UNC13B: variants seen among roughly 807,000 people sequenced by gnomAD.
UNC13B encodes the protein protein unc-13 homolog B.
Under a neutral mutation model 211.0 loss-of-function variants are expected in UNC13B, and 144 were observed. The ratio of observed to expected loss-of-function variants is 0.68; its 90% confidence interval spans 0.60 to 0.78. The LOEUF is 0.78. Among genes scored for constraint, UNC13B ranks in the 30% least tolerant of loss-of-function variants. The pLI, the probability that UNC13B is intolerant of heterozygous loss-of-function variation, is 0.00. For synonymous variants in UNC13B, 709 were observed against 725.8 expected, an observed-to-expected ratio of 0.98 and a Z score of 0.37; for missense variants, 1,777 against 2,002.0, an observed-to-expected ratio of 0.89 and a Z score of 2.14.
intron 11 of UNC13B, chr9:35,352,807 A>T (rs1171979397): frequency 4.1e-6 from 5 of 1,232,072 alleles, no homozygotes; most frequent in Non-Finnish European, 5.1e-6. Context: ...AGTTTGAGGA[A>T]CCTGCCCTAG....
At chr9:35,208,573 G>A (rs373042778) in intron 1 of UNC13B, among the ~76,000 whole-genome samples, 14 of 152,228 alleles carry the variant, frequency 9.2e-5, no homozygotes, top group East Asian at 7.7e-4. Context: ...GGTGGAAGGC[G>A]AAAGGGAGGC....
At chr9:35,372,448 C>T (rs891634381) in intron 13 of UNC13B, among the ~76,000 whole-genome samples, 1 of 149,980 alleles carries the variant, frequency 6.7e-6, no homozygotes, top group Non-Finnish European at 1.5e-5. Flanking sequence ...GATACATGGG[C>T]CCTGTGCAAG....
Position 35,306,144 on chromosome 9 carries a change from A to C in UNC13B, c.6740A>C (p.Lys2247Thr), listed in dbSNP as rs984966905. 2 of 398,968 alleles carry C rather than the reference A, an allele frequency of 5.0e-6. No individual in the cohort carries two copies. Among genetic ancestry groups the C allele is most frequent in the African/African-American group, 4.1e-5 (2 of 48,650 alleles). The allele number at this position is 398,968 out of a possible 1,614,324, so 24.7% of individuals were successfully genotyped here. The change falls in exon 9 of 40, where the codon AAG (lysine) becomes ACG (threonine). Residue 2247 changes from lysine to threonine, a missense_variant. By Grantham distance (78) the Lys-to-Thr change is moderately conservative (BLOSUM62 -1). Transcript: ENST00000635942. ...TVVPVTSQPC[K>T]KTNVFVESGS... Reference sequence around the variant, plus strand: ...GTTCCAGTGACCTCCCAGCCCTGTAAGAAGACAAATGTTTTTGTAGAGAGT... The same window carrying C: ...GTTCCAGTGACCTCCCAGCCCTGTACGAAGACAAATGTTTTTGTAGAGAGT...
chr9:35,383,145 T>G (rs2132267631), intron 21 of UNC13B, among the ~76,000 whole-genome samples: 1 of 152,330 alleles, frequency 6.6e-6, no homozygotes, highest in East Asian at 1.9e-4. Context: ...AAAATCTTGT[T>G]CAGTCTGTCT....
intron 6 of UNC13B, among the ~76,000 whole-genome samples, chr9:35,254,995 A>G (rs1405770338): frequency 5.8e-5 from 7 of 121,052 alleles, no homozygotes; most frequent in African/African-American, 9.6e-5. Flanking sequence ...TGTATATATT[A>G]TATTATATTA....
intron 7 of UNC13B, among the ~76,000 whole-genome samples, chr9:35,295,021 C>G (rs1219660623): frequency 6.6e-6 from 1 of 152,188 alleles, no homozygotes; most frequent in Non-Finnish European, 1.5e-5. Flanking sequence ...AGCCCATCCT[C>G]TGGATGGGAA....
chr9:35,393,761 G>A (rs1303591260), intron 26 of UNC13B, among the ~76,000 whole-genome samples: 1 of 151,664 alleles, frequency 6.6e-6, no homozygotes, highest in African/African-American at 2.4e-5. Flanking sequence ...TAGTAGAGAC[G>A]GGGTTTCACC....
chr9:35,202,061 G>C (rs554180363), intron 1 of UNC13B, among the ~76,000 whole-genome samples: 80 of 152,290 alleles, frequency 5.3e-4, no homozygotes, highest in Non-Finnish European at 9.8e-4. Context: ...TGGTTTCAAA[G>C]AACATTTTTA....
intron 1 of UNC13B, among the ~76,000 whole-genome samples, chr9:35,220,637 T>C (rs1824518534): frequency 6.6e-6 from 1 of 152,222 alleles, no homozygotes; most frequent in Non-Finnish European, 1.5e-5. Context: ...GGCTGAATAG[T>C]ACTCCATTGT....
At chr9:35,222,198 T>A (rs1177179646) in intron 1 of UNC13B, among the ~76,000 whole-genome samples, 2 of 152,164 alleles carry the variant, frequency 1.3e-5, no homozygotes, top group Non-Finnish European at 2.9e-5. Flanking sequence ...AAAAAATGCC[T>A]GCTAGAATTT....
Position 35,307,610 on chromosome 9 carries a change from G to T in UNC13B, c.8206G>T (p.Ala2736Ser). The change falls in exon 9 of 40, where the codon GCC (alanine) becomes TCC (serine). Residue 2736 changes from alanine (A) to serine (S), a missense_variant. Transcript: ENST00000635942. Reference protein sequence around the residue: ...HPLLEDPVLAARESCEIIHAQ... With the variant: ...HPLLEDPVLASRESCEIIHAQ... The stretch of plus-strand genomic sequence containing the variant: ...TCTGCTGGAGGACCCTGTGCTTGCT[G>T]CCAGAGAAAGTTGTGAGATAATTCA... 2.5e-6 allele frequency: 1 copy of T among 399,172 alleles called. No individual in the cohort carries two copies. Among genetic ancestry groups the T allele is most frequent in the Non-Finnish European group, 4.4e-6 (1 of 226,170 alleles). The allele number at this position is 399,172 out of a possible 1,614,324, so 24.7% of individuals were successfully genotyped here.
intron 1 of UNC13B, among the ~76,000 whole-genome samples, chr9:35,202,340 G>T (rs981946627): frequency 5.9e-5 from 9 of 152,188 alleles, no homozygotes; most frequent in African/African-American, 2.2e-4. Flanking sequence ...GAATTCTGTA[G>T]ACGTCTATTA....
intron 1 of UNC13B, among the ~76,000 whole-genome samples, chr9:35,170,745 T>C (rs1821292128): frequency 6.6e-6 from 1 of 152,150 alleles, no homozygotes; most frequent in African/African-American, 2.4e-5. Context: ...ATGCTGGGAT[T>C]ATAGTCATGA....
At chr9:35,182,282 A>ATATTCTTTCTCATTGAGCTTCC (rs1344239502) in intron 1 of UNC13B, among the ~76,000 whole-genome samples, 3 of 151,852 alleles carry the variant, frequency 2.0e-5, no homozygotes, top group Non-Finnish European at 4.4e-5. Flanking sequence ...GTTTAACTTA[A>ATATTCTTTCTCATTGAGCTTCC]TATTCTTTCT....
chr9:35,225,382 A>G (rs1332182488), intron 1 of UNC13B, among the ~76,000 whole-genome samples: 3 of 152,156 alleles, frequency 2.0e-5, no homozygotes, highest in Non-Finnish European at 4.4e-5. Flanking sequence ...CTGGTCTCGA[A>G]TTCCTTAAGT....
chr9:35,388,001 T>C (rs1407223576), intron 24 of UNC13B, among the ~76,000 whole-genome samples: 2 of 151,728 alleles, frequency 1.3e-5, no homozygotes, highest in Non-Finnish European at 2.9e-5. Context: ...CAATCTGAAT[T>C]TTGAGGAAGG....
intron 2 of UNC13B, 112 bp downstream of exon 2, chr9:35,228,156 C>T (rs980534598): frequency 4.0e-6 from 4 of 995,090 alleles, no homozygotes; most frequent in Admixed American, 3.0e-5. Context: ...TTCATTACTT[C>T]ACTAAATTAA....
chr9:35,257,769 CA>C, intron 6 of UNC13B, among the ~76,000 whole-genome samples: 1 of 151,940 alleles, frequency 6.6e-6, no homozygotes, highest in East Asian at 1.9e-4. Context: ...ATTTTATATA[CA>C]AAAAGTGTTT....
intron 1 of UNC13B, 173 bp from the exon 2 acceptor site, chr9:35,227,842 G>A (rs1044354741): frequency 3.5e-5 from 18 of 511,940 alleles, no homozygotes; most frequent in East Asian, 6.7e-5. Flanking sequence ...TTAAGGTCTC[G>A]TCTGACTCTT....
Sources: allele counts gnomAD v4.1 joint callset (sites outside exome capture counted in the v4.1 genomes callset), GRCh38; gene constraint gnomAD v4.1.1; transcripts MANE v1.5; gene names NCBI Gene and HGNC (gene_info 2026-07-23, HGNC 2026-07-21).